Variants in DNAJB12 observed in about 807,000 individuals in gnomAD.
The protein encoded by DNAJB12 is dnaJ homolog subfamily B member 12.
In DNAJB12, 14 loss-of-function variants were observed where a neutral mutation model predicts 40.6. That is an observed-to-expected ratio of 0.34 (90% CI 0.23 to 0.54). The LOEUF is 0.54. Among genes scored for constraint, DNAJB12 ranks in the 20% least tolerant of loss-of-function variants. The probability of loss-of-function intolerance (pLI) is 0.92; values close to 1 mark genes in which losing one functional copy is unlikely to be tolerated. For synonymous variants in DNAJB12, 181 were observed against 199.5 expected (o/e 0.91, Z 0.78); for missense variants, 444 against 501.7 (o/e 0.89, Z 1.10).
intron 5 of DNAJB12, 76 bp from the exon 6 acceptor site, chr10:72,338,387 C>CT: frequency 8.0e-7 from 1 of 1,245,178 alleles, no homozygotes. Context: ...ACTAGCTCCC[C>CT]TAGAATAGTG....
At chr10:72,342,282 T>G (rs1248796595) in intron 3 of DNAJB12, among the ~76,000 whole-genome samples, 2 of 152,206 alleles carry the variant, frequency 1.3e-5, no homozygotes, top group African/African-American at 4.8e-5. Flanking sequence ...CTCCTCAGTC[T>G]CTCACTCCCT....
rs141686379 is a variant in DNAJB12, at chr10:72,345,011, C to T, written c.250G>A (p.Gly84Ser). 7.4e-5 allele frequency: 120 copies of T among 1,614,214 alleles called. 1 individual carries two copies. In the East Asian group the frequency reaches 2.2e-3, roughly 30 times the overall value. ...TTGGTGCTCTCTCCTCCAGCTTCAC[C>T]GTTGGCCGAGGGGGCATCGGTCCCA... ...AGGTDAPSAN[G>S]EAGGESTKGY... Residue 84 changes from glycine to serine, a missense_variant, in exon 2 of 9, where the codon GGT (glycine) becomes AGT (serine). Gly to Ser is a moderately conservative substitution (Grantham distance 56). Coordinates refer to ENST00000444643, the MANE Select transcript of DNAJB12 (RefSeq NM_017626.7).
chr10:72,342,562 C>A (rs1002800783), intron 3 of DNAJB12, among the ~76,000 whole-genome samples: 5 of 152,222 alleles, frequency 3.3e-5, no homozygotes, highest in African/African-American at 1.2e-4. Context: ...TCGGAGTCTC[C>A]TCTGCCACAG....
chr10:72,352,480 CATT>C (rs1187154746), intron 1 of DNAJB12, among the ~76,000 whole-genome samples: 1 of 152,116 alleles, frequency 6.6e-6, no homozygotes. Context: ...TGTGAGATAA[CATT>C]ATTTTTATGC....
rs780593990 is a variant in DNAJB12, at chr10:72,336,509, T to TC, written c.1006+14dup. The TC allele has an allele frequency of 3.8e-5, 62 of 1,610,702 alleles. 1 individual carries two copies. The South Asian group carries it at 5.4e-4, about 14-fold the overall frequency. On this transcript the variant is annotated intron_variant, in intron 7 of 8. Coordinates refer to ENST00000444643, the MANE Select transcript of DNAJB12 (RefSeq NM_017626.7). ...CACCTCCCAAATACAGCCCCCGCCT[T>TC]CCCCCCACACTCACTCTGCTGCTTC... is the stretch of plus-strand genomic sequence containing the variant.
At chr10:72,347,731 T>G (rs569579800) in intron 1 of DNAJB12, among the ~76,000 whole-genome samples, 1 of 152,008 alleles carries the variant, frequency 6.6e-6, no homozygotes, top group African/African-American at 2.4e-5. Flanking sequence ...CTGGCCAACA[T>G]GGTGAAACCC....
intron 5 of DNAJB12, among the ~76,000 whole-genome samples, chr10:72,338,824 A>G (rs974460987): frequency 6.6e-6 from 1 of 152,200 alleles, no homozygotes; most frequent in Non-Finnish European, 1.5e-5. Context: ...ATTAAAACAA[A>G]ATAAAAATTA....
In DNAJB12 at chr10:72,344,979, G is replaced by A; in HGVS notation, c.282C>T (p.Tyr94=). The part of the protein sequence containing the change: ...GEAGGESTKG[Y]TAEQVAAVKR... ...TCACAGCTGCAACCTGTTCTGCAGT[G>A]TAGCCTTTGGTGCTCTCTCCTCCAG... Residue 94 remains tyrosine (Y), a synonymous_variant, in exon 2 of 9, where the codon TAC becomes TAT. Coordinates refer to ENST00000444643, the MANE Select transcript of DNAJB12 (RefSeq NM_017626.7). 3.7e-6 allele frequency: 6 copies of A among 1,614,238 alleles called. No homozygotes were observed. The highest frequency in any genetic ancestry group is 5.1e-6 in the Non-Finnish European group (6 of 1,180,044).
Position 72,335,363 on chromosome 10 carries a change from G to A in DNAJB12, c.*30+417C>T. ...TATCAGGCAGGCAGTGTGCATATGG[G>A]GCTCTCTTGGGCCCCACCATATGTG... On this transcript the variant is annotated intron_variant, in intron 8 of 8. Transcript: ENST00000444643. The surrounding 1 kb of genome is among the most constrained non-coding windows in gnomAD (Gnocchi z 4.4). 3.0e-6 allele frequency: 3 copies of A among 997,214 alleles called. No individual in the cohort carries two copies. Among genetic ancestry groups the A allele is most frequent in the Non-Finnish European group, 3.6e-6 (3 of 836,490 alleles). The allele number at this position is 997,214 out of a possible 1,614,324, so 61.8% of individuals were successfully genotyped here.
At chr10:72,353,151 T>G (rs1048434236) in intron 1 of DNAJB12, among the ~76,000 whole-genome samples, 1 of 152,232 alleles carries the variant, frequency 6.6e-6, no homozygotes, top group African/African-American at 2.4e-5. Context: ...GGACACTCCT[T>G]CAAGCTCCTG....
intron 1 of DNAJB12, among the ~76,000 whole-genome samples, chr10:72,353,148 C>T (rs769483866): frequency 1.3e-5 from 2 of 152,258 alleles, no homozygotes; most frequent in Non-Finnish European, 2.9e-5. Context: ...AGAGGACACT[C>T]CTTCAAGCTC....
In DNAJB12 at chr10:72,335,964, C is replaced by G; in HGVS notation, c.1007-33G>C. 2 of 1,611,614 alleles carry G rather than the reference C, an allele frequency of 1.2e-6. No individual in the cohort carries two copies. Among genetic ancestry groups the G allele is most frequent in the Non-Finnish European group, 1.7e-6 (2 of 1,178,300 alleles). ...GCAATGGGACAGGGTTAGTGCACAC[C>G]CAGTACCTCCCGAAGCCTGCAAGGA... On this transcript the variant is annotated intron_variant, in intron 7 of 8. Transcript: ENST00000444643. The surrounding 1 kb of genome is among the most constrained non-coding windows in gnomAD (Gnocchi z 4.4).
At chr10:72,342,584 G>GGCTAGTCACCAT (rs1861669436) in intron 3 of DNAJB12, among the ~76,000 whole-genome samples, 1 of 152,222 alleles carries the variant, frequency 6.6e-6, no homozygotes. Flanking sequence ...CTCTCCAGCT[G>GGCTAGTCACCAT]GCTATGGTTG....
At chr10:72,343,274 C>T in intron 3 of DNAJB12, 92 bp downstream of exon 3, 1 of 1,496,820 alleles carries the variant, frequency 6.7e-7, no homozygotes, top group Non-Finnish European at 9.0e-7. Flanking sequence ...CTCCTGCTCC[C>T]TGCTTCCTGG....
In DNAJB12 at chr10:72,335,642, G is replaced by A; in HGVS notation, c.*30+138C>T. On this transcript the variant is annotated intron_variant, in intron 8 of 8. Transcript: ENST00000444643. The surrounding 1 kb of genome is among the most constrained non-coding windows in gnomAD (Gnocchi z 4.4). ...AGGCCCCACAGCTGCTCGGTCTCTG[G>A]AGGCTGGAGGTCAGGCTGGGGACAG... 2.1e-6 allele frequency: 3 copies of A among 1,429,464 alleles called. No individual in the cohort carries two copies. The highest frequency in any genetic ancestry group is 2.9e-5 in the South Asian group (2 of 67,812). The allele number at this position is 1,429,464 out of a possible 1,614,324, so 88.5% of individuals were successfully genotyped here.
intron 1 of DNAJB12, among the ~76,000 whole-genome samples, chr10:72,345,932 C>T (rs1425690363): frequency 6.7e-6 from 1 of 148,914 alleles, no homozygotes; most frequent in Non-Finnish European, 1.5e-5. Flanking sequence ...GGATAGAGGT[C>T]TTTTTCGTTT....
At chr10:72,343,616 G>C in intron 2 of DNAJB12, 105 bp from the exon 3 acceptor site, 1 of 1,244,552 alleles carries the variant, frequency 8.0e-7, no homozygotes, top group Non-Finnish European at 1.1e-6. Flanking sequence ...GGCTGCGGGG[G>C]ACCAACAGGG....
chr10:72,337,945 G>GT (rs1861524376), intron 6 of DNAJB12, among the ~76,000 whole-genome samples: 2 of 152,198 alleles, frequency 1.3e-5, no homozygotes, highest in African/African-American at 4.8e-5. Flanking sequence ...TCGTGTGTGT[G>GT]TATGTGTGTG....
At chr10:72,350,662 G>T (rs1861913999) in intron 1 of DNAJB12, among the ~76,000 whole-genome samples, 1 of 152,164 alleles carries the variant, frequency 6.6e-6, no homozygotes, top group South Asian at 2.1e-4. Flanking sequence ...TACCTACGGT[G>T]CTCACAGTGA....
Sources: allele counts gnomAD v4.1 joint callset (sites outside exome capture counted in the v4.1 genomes callset), GRCh38; gene constraint gnomAD v4.1.1; non-coding constraint Gnocchi (gnomAD v3.1); transcripts MANE v1.5; gene names NCBI Gene and HGNC (gene_info 2026-07-23, HGNC 2026-07-21).